The following PIGV variants were observed in gnomAD, a reference collection of about 807,000 sequenced individuals.
PIGV encodes the protein phosphatidylinositol glycan anchor biosynthesis class V.
A neutral mutation model predicts 39.2 loss-of-function variants in PIGV; 27 were observed. The observed-to-expected ratio is 0.69, with a 90% CI of 0.51 to 0.95. PIGV has a LOEUF of 0.95. Ranked by LOEUF, PIGV falls within the 40% of genes least tolerant of loss-of-function variation. The probability of loss-of-function intolerance (pLI) is 0.00; values close to 1 mark genes in which losing one functional copy is unlikely to be tolerated. For missense variants in PIGV, 523 were observed against 586.4 expected, an observed-to-expected ratio of 0.89 and a Z score of 1.12; for synonymous variants, 232 against 241.7, an observed-to-expected ratio of 0.96 and a Z score of 0.37.
At chr1:26,795,758 G>T (rs1180081978) in intron 3 of PIGV, among the ~76,000 whole-genome samples, 1 of 150,468 alleles carries the variant, frequency 6.6e-6, no homozygotes, top group East Asian at 1.9e-4. Flanking sequence ...GGGGTCTCAT[G>T]GTATAAATAG....
At chr1:26,790,375 G>GAA (rs894979105) in intron 1 of PIGV, among the ~76,000 whole-genome samples, 3 of 145,918 alleles carry the variant, frequency 2.1e-5, no homozygotes, top group Non-Finnish European at 3.0e-5. Flanking sequence ...TGTGAGATAG[G>GAA]AAAAAAAAAA....
rs913602887 is a variant in PIGV at position 26,788,036 on chromosome 1, C to G, written c.-290C>G. 6 of 152,290 alleles carry G rather than the reference C, an allele frequency of 3.9e-5. No individual in the cohort carries two copies. The highest frequency in any genetic ancestry group is 1.4e-4 in the African/African-American group (6 of 41,446). 9.4% of individuals were successfully genotyped at this position (152,290 alleles called of 1,614,324 possible). ...TCGGGACGGGCAGGGGCTGAGGACCCCGCGCCAGCTTGGGAGCCCTGGAGT... is the reference window on the plus strand; with the variant it reads ...TCGGGACGGGCAGGGGCTGAGGACCGCGCGCCAGCTTGGGAGCCCTGGAGT... On this transcript the variant is annotated 5_prime_UTR_variant, in exon 1 of 4. Transcript: ENST00000674202.
intron 2 of PIGV, 71 bp downstream of exon 2, chr1:26,790,964 C>T (rs1419302372): frequency 7.9e-7 from 1 of 1,258,480 alleles, no homozygotes; most frequent in Non-Finnish European, 1.2e-6. Flanking sequence ...GAAGTGTCCC[C>T]ATCTCCTTTC....
chr1:26,791,038 A>C (rs1004850254), intron 2 of PIGV, 145 bp downstream of exon 2: 1 of 683,540 alleles, frequency 1.5e-6, no homozygotes, highest in South Asian at 1.6e-5. Context: ...AGAGCTGAAA[A>C]GTTGTCAGGA....
At chr1:26,791,971 A>G (rs542224399) in intron 2 of PIGV, among the ~76,000 whole-genome samples, 1 of 152,328 alleles carries the variant, frequency 6.6e-6, no homozygotes, top group South Asian at 2.1e-4. Context: ...AGGATAGGGA[A>G]CCAGGACAGC....
intron 2 of PIGV, among the ~76,000 whole-genome samples, chr1:26,791,125 A>G (rs1243728567): frequency 6.6e-6 from 1 of 152,168 alleles, no homozygotes; most frequent in Non-Finnish European, 1.5e-5. Flanking sequence ...TGACATCCCC[A>G]AAGCCACATA....
rs1457629257 is a variant in PIGV, at chr1:26,794,757, G to C, written c.723G>C (p.Leu241=). 1.2e-6 allele frequency: 2 copies of C among 1,614,030 alleles called. No homozygotes were observed. The highest frequency in any genetic ancestry group is 1.1e-5 in the South Asian group (1 of 91,092). The part of the protein sequence containing the change: ...LRQLFKLMAS[L]FLSVFTLGLP... ...AGCTCTTTAAGCTGATGGCCTCTCT[G>C]TTTCTGTCGGTGTTCACACTTGGCC... The change falls in exon 3 of 4, where the codon CTG becomes CTC. Residue 241 remains leucine (L), a synonymous_variant. Coordinates refer to ENST00000674202, the MANE Select transcript of PIGV (RefSeq NM_017837.4).
chr1:26,795,973 C>T (rs941057847), intron 3 of PIGV, among the ~76,000 whole-genome samples: 2 of 151,062 alleles, frequency 1.3e-5, no homozygotes, highest in African/African-American at 4.9e-5. Context: ...ACTCTTCTGC[C>T]TCAATCTCCC....
At chr1:26,795,855 T>C (rs967406761) in intron 3 of PIGV, among the ~76,000 whole-genome samples, 2 of 151,272 alleles carry the variant, frequency 1.3e-5, no homozygotes, top group African/African-American at 4.9e-5. Flanking sequence ...ACTTTATTTA[T>C]TTATTTATTT....
Position 26,799,124 on chromosome 1 carries a change from C to T in PIGV, c.*1280C>T, listed in dbSNP as rs1222953286. 6.6e-6 allele frequency among the ~76,000 whole-genome samples: 1 copy of T among 152,180 alleles called. No homozygotes were observed. The highest frequency in any genetic ancestry group is 1.9e-4 in the East Asian group (1 of 5,202). ...CAATTAGAAGAAACTCCTCCTCCAC[C>T]GAGTGCAACTCTTGGGAGTAATTTA... On this transcript the variant is annotated 3_prime_UTR_variant, in exon 4 of 4. Transcript: ENST00000674202.
chr1:26,795,881 T>G (rs1034023718), intron 3 of PIGV, among the ~76,000 whole-genome samples: 1 of 150,942 alleles, frequency 6.6e-6, no homozygotes, highest in Admixed American at 6.7e-5. Context: ...TTTTTTTAGA[T>G]GGAGTCTCGC....
Position 26,790,781 on chromosome 1 carries a change from G to C in PIGV, c.-35G>C. 6.4e-7 allele frequency: 1 copy of C among 1,571,248 alleles called. No individual in the cohort carries two copies. The highest frequency in any genetic ancestry group is 8.8e-7 in the Non-Finnish European group (1 of 1,140,864). On this transcript the variant is annotated 5_prime_UTR_variant, in exon 2 of 4. Coordinates refer to ENST00000674202, the MANE Select transcript of PIGV (RefSeq NM_017837.4). ...TAGAGGCCTGAGGGAGCTCAATCCTGGTAGCAACACCCCTGAATTCCTGGT... is the reference window on the plus strand; with the variant it reads ...TAGAGGCCTGAGGGAGCTCAATCCTCGTAGCAACACCCCTGAATTCCTGGT...
upstream of PIGV, chr1:26,787,815 G>C (rs1002324003): frequency 6.6e-6 from 1 of 152,336 alleles, no homozygotes. Context: ...AGGTGGGAAG[G>C]TGCTACGAGG....
intron 2 of PIGV, 50 bp downstream of exon 2, chr1:26,790,943 C>G (rs770319097): frequency 5.5e-6 from 8 of 1,464,424 alleles, no homozygotes; most frequent in Admixed American, 1.7e-5. Flanking sequence ...CATGACTGGA[C>G]TAGGCAGTAA....
At chr1:26,793,691 T>C (rs2081340855) in intron 2 of PIGV, among the ~76,000 whole-genome samples, 1 of 152,132 alleles carries the variant, frequency 6.6e-6, no homozygotes, top group African/African-American at 2.4e-5. Context: ...AGCCTCAACC[T>C]CCTGGGCTCA....
At chr1:26,797,165 GGT>G (rs1421920846) in intron 3 of PIGV, among the ~76,000 whole-genome samples, 1 of 152,144 alleles carries the variant, frequency 6.6e-6, no homozygotes, top group Non-Finnish European at 1.5e-5. Flanking sequence ...TCAAGCAATG[GGT>G]CTTCTGCCCA....
At chr1:26,791,667 TTCCTC>T (rs2081311196) in intron 2 of PIGV, among the ~76,000 whole-genome samples, 1 of 152,184 alleles carries the variant, frequency 6.6e-6, no homozygotes, top group South Asian at 2.1e-4. Context: ...TGTGGAAACT[TTCCTC>T]TCTCCTTTCC....
At chr1:26,787,738 T>C (rs892275130), upstream of PIGV, 2 of 152,456 alleles carry the variant, frequency 1.3e-5, no homozygotes, top group African/African-American at 4.8e-5. Context: ...CGCTCACTAT[T>C]TGAAGGCGGG....
intron 2 of PIGV, among the ~76,000 whole-genome samples, chr1:26,792,320 A>G (rs911742102): frequency 3.1e-5 from 4 of 129,302 alleles, no homozygotes; most frequent in Non-Finnish European, 5.0e-5. Context: ...TAATTTTTGT[A>G]TTTTTTTTTT....
Sources: allele counts gnomAD v4.1 joint callset (sites outside exome capture counted in the v4.1 genomes callset), GRCh38; gene constraint gnomAD v4.1.1; transcripts MANE v1.5; gene names NCBI Gene and HGNC (gene_info 2026-07-23, HGNC 2026-07-21).